Variants in ARB2A observed in about 807,000 individuals in gnomAD.
ARB2A encodes ARB2 cotranscriptional regulator A, also known as cotranscriptional regulator ARB2A.
At chr5:93,760,995 C>T in the ARB2A span, among the ~76,000 whole-genome samples, 1 of 152,202 alleles carries the variant, frequency 6.6e-6, no homozygotes, top group African/African-American at 2.4e-5. Flanking sequence ...TCTTCACAAT[C>T]TATACATCTG....
the ARB2A span, among the ~76,000 whole-genome samples, chr5:93,680,900 G>T: frequency 6.6e-6 from 1 of 152,058 alleles, no homozygotes; most frequent in Admixed American, 6.6e-5. Context: ...TTGTTTCTTA[G>T]ATAGATTTAT....
At chr5:94,068,862 C>CAAAAAAAAAA in the ARB2A span, among the ~76,000 whole-genome samples, 121 of 61,958 alleles carry the variant, frequency 2.0e-3, no homozygotes, top group Non-Finnish European at 2.6e-3. Context: ...ACTAAAAATA[C>CAAAAAAAAAA]AAAAAAAAAA....
At chr5:93,618,620 A>G in the ARB2A span, 1 of 152,174 alleles carries the variant, frequency 6.6e-6, no homozygotes, top group Non-Finnish European at 1.5e-5. Flanking sequence ...AGGTTAAAAA[A>G]TCCTACATTA....
chr5:93,915,318 T>A, the ARB2A span, among the ~76,000 whole-genome samples: 1 of 151,906 alleles, frequency 6.6e-6, no homozygotes, highest in South Asian at 2.1e-4. Context: ...GTAAAGACCA[T>A]CAAAGACAAG....
the ARB2A span, among the ~76,000 whole-genome samples, chr5:93,853,994 C>T: frequency 6.6e-6 from 1 of 152,134 alleles, no homozygotes; most frequent in Non-Finnish European, 1.5e-5. Context: ...GGAGGATTCC[C>T]TCTTTTTCTA....
the ARB2A span, chr5:93,862,891 C>T: frequency 6.6e-6 from 1 of 151,926 alleles, no homozygotes; most frequent in African/African-American, 2.4e-5. Context: ...CTTAAAAAAC[C>T]ATTATAAATT....
chr5:93,770,325 C>A, the ARB2A span, among the ~76,000 whole-genome samples: 1 of 152,046 alleles, frequency 6.6e-6, no homozygotes, highest in Non-Finnish European at 1.5e-5. Context: ...TAAGAGCTAT[C>A]TATGACAAAC....
the ARB2A span, among the ~76,000 whole-genome samples, chr5:93,909,459 A>G: frequency 7.9e-4 from 120 of 151,168 alleles, no homozygotes; most frequent in African/African-American, 2.4e-3. Flanking sequence ...ATTGATCTCT[A>G]CAAACGTATT....
the ARB2A span, among the ~76,000 whole-genome samples, chr5:93,755,935 C>T: frequency 2.0e-5 from 3 of 152,202 alleles, no homozygotes; most frequent in Non-Finnish European, 4.4e-5. Flanking sequence ...AAGCGAGAAC[C>T]AAGCCCTTTT....
the ARB2A span, among the ~76,000 whole-genome samples, chr5:94,105,054 G>T: frequency 6.6e-6 from 1 of 151,950 alleles, no homozygotes; most frequent in Non-Finnish European, 1.5e-5. Context: ...ATAGGCAAAA[G>T]CTAGAGACAT....
At chr5:93,824,093 G>C in the ARB2A span, 3 of 1,405,882 alleles carry the variant, frequency 2.1e-6, no homozygotes, top group Middle Eastern at 1.9e-4. Flanking sequence ...AAAGAAAGGA[G>C]AGGGGATAAA....
chr5:93,819,396 T>C, the ARB2A span, among the ~76,000 whole-genome samples: 1 of 152,202 alleles, frequency 6.6e-6, no homozygotes, highest in Non-Finnish European at 1.5e-5. Flanking sequence ...AATTAGTATG[T>C]ATCTTGAAGT....
chr5:93,858,172 A>C, the ARB2A span, among the ~76,000 whole-genome samples: 83 of 152,314 alleles, frequency 5.4e-4, no homozygotes, highest in Non-Finnish European at 1.0e-3. Context: ...TTATGACAAC[A>C]CATGTGAAAA....
chr5:93,728,018 T>G, the ARB2A span, among the ~76,000 whole-genome samples: 1 of 152,070 alleles, frequency 6.6e-6, no homozygotes, highest in African/African-American at 2.4e-5. Context: ...ATATATACAT[T>G]AAGGATTTCA....
chr5:94,049,914 A>C, the ARB2A span, among the ~76,000 whole-genome samples: 2 of 152,128 alleles, frequency 1.3e-5, no homozygotes, highest in African/African-American at 4.8e-5. Context: ...TAGTCATGGG[A>C]AGTATAAGTT....
At chr5:94,091,980 T>C in the ARB2A span, among the ~76,000 whole-genome samples, 3 of 152,078 alleles carry the variant, frequency 2.0e-5, no homozygotes, top group African/African-American at 7.2e-5. Flanking sequence ...TTCATGATTA[T>C]CTCCACTTTG....
the ARB2A span, among the ~76,000 whole-genome samples, chr5:93,894,594 G>A: frequency 6.6e-6 from 1 of 152,104 alleles, no homozygotes; most frequent in Non-Finnish European, 1.5e-5. Flanking sequence ...TCAGCAAACA[G>A]AGCAGAGCAC....
the ARB2A span, among the ~76,000 whole-genome samples, chr5:93,723,692 C>T: frequency 1.3e-5 from 2 of 151,938 alleles, no homozygotes; most frequent in Non-Finnish European, 1.5e-5. Context: ...CTTATCGATG[C>T]TAGTGAAGTA....
chr5:93,990,107 C>A, the ARB2A span, among the ~76,000 whole-genome samples: 1 of 151,952 alleles, frequency 6.6e-6, no homozygotes, highest in Non-Finnish European at 1.5e-5. Context: ...ATAAATCAGA[C>A]ATTGTACATG....
Sources: gnomAD v4.1 joint callset for allele counts (sites outside exome capture counted in the v4.1 genomes callset) on GRCh38, gnomAD v4.1.1 for gene constraint, MANE v1.5 for transcripts, NCBI Gene and HGNC (gene_info 2026-07-23, HGNC 2026-07-21) for gene names.